Variants in WWC2 observed in about 807,000 individuals in gnomAD.
The protein encoded by WWC2 is WW and C2 domain containing 2.
Under a neutral mutation model 138.5 loss-of-function variants are expected in WWC2, and 101 were observed. That is an observed-to-expected ratio of 0.73 (90% CI 0.62 to 0.86). The LOEUF is 0.86. Among genes scored for constraint, WWC2 ranks in the 40% least tolerant of loss-of-function variants. The pLI is 0.00. For missense variants in WWC2, 1,420 were observed against 1,419.4 expected (o/e 1.00, Z -0.01); for synonymous variants, 558 against 538.4 (o/e 1.04, Z -0.50).
Position 183,261,299 on chromosome 4 carries a change from G to A in WWC2, c.1676G>A (p.Gly559Asp), listed in dbSNP as rs1737321533. The stretch of plus-strand genomic sequence containing the variant: ...TCCCTTTCCTCCTTGTCTCCTCCAG[G>A]CTCTCCCTTGGTTTTGGAAGGCACG... ...RSSLSSLSPP[G>D]SPLVLEGTFP... is the part of the protein sequence containing the mutation. The change falls in exon 11 of 23, where the codon GGC becomes GAC. Residue 559 changes from glycine (G) to aspartate (D), a missense_variant. Physicochemically the swap from Gly to Asp is moderately conservative, Grantham distance 94 (BLOSUM62 -1). Coordinates refer to ENST00000403733, the MANE Select transcript of WWC2 (RefSeq NM_024949.6). 1.2e-6 allele frequency: 2 copies of A among 1,613,394 alleles called. No individual in the cohort carries two copies. Among genetic ancestry groups the A allele is most frequent in the African/African-American group, 2.7e-5 (2 of 74,892 alleles).
chr4:183,225,343 A>G (rs1275979611), intron 4 of WWC2, among the ~76,000 whole-genome samples: 1 of 152,248 alleles, frequency 6.6e-6, no homozygotes, highest in East Asian at 1.9e-4. Flanking sequence ...AAATATAATG[A>G]AAGTAGCACT....
intron 8 of WWC2, among the ~76,000 whole-genome samples, chr4:183,250,800 G>C (rs1736955851): frequency 6.6e-6 from 1 of 152,158 alleles, no homozygotes; most frequent in South Asian, 2.1e-4. Context: ...CGTCCTGCAA[G>C]AAACAGGAAT....
intron 1 of WWC2, among the ~76,000 whole-genome samples, chr4:183,133,791 C>G (rs1394384589): frequency 6.6e-6 from 1 of 152,228 alleles, no homozygotes; most frequent in Admixed American, 6.5e-5. Flanking sequence ...CACCATGCCC[C>G]GCCTTCTCAT....
In WWC2 at chr4:183,318,093, T is replaced by C. The variant is rs1258858248; in HGVS notation, c.*2364T>C. On this transcript the variant is annotated 3_prime_UTR_variant, in exon 23 of 23. Coordinates refer to ENST00000403733, the MANE Select transcript of WWC2 (RefSeq NM_024949.6). ...TGGACAAATATGAATTTTAATATTA[T>C]AAATACTATTTTTAAAAGGTAGAAT... 4 of 152,202 alleles carry C rather than the reference T, an allele frequency of 2.6e-5. No individual in the cohort carries two copies. The highest frequency in any genetic ancestry group is 9.6e-5 in the African/African-American group (4 of 41,462). 9.4% of individuals were successfully genotyped at this position (152,202 alleles called of 1,614,324 possible).
intron 21 of WWC2, among the ~76,000 whole-genome samples, chr4:183,297,163 G>A (rs116291242): frequency 5.3e-4 from 81 of 151,794 alleles, no homozygotes; most frequent in African/African-American, 1.9e-3. Flanking sequence ...TGTAGAAACC[G>A]GGTTTCACTG....
chr4:183,229,012 A>C (rs1350212690), intron 4 of WWC2, among the ~76,000 whole-genome samples: 2 of 152,052 alleles, frequency 1.3e-5, no homozygotes, highest in Non-Finnish European at 2.9e-5. Context: ...AGACAAAACT[A>C]TTTACAGGCC....
intron 21 of WWC2, among the ~76,000 whole-genome samples, chr4:183,294,192 C>G (rs146611050): frequency 1.1e-4 from 16 of 152,196 alleles, no homozygotes; most frequent in Middle Eastern, 3.4e-3. Context: ...TTGCCAACTG[C>G]TGATACAGAG....
chr4:183,276,972 T>A (rs12645334), intron 16 of WWC2, among the ~76,000 whole-genome samples: 7,562 of 150,322 alleles, frequency 0.05, 220 homozygotes, highest in South Asian at 0.088. Flanking sequence ...TCATTTCTTT[T>A]TTATTATTAT....
At chr4:183,141,209 G>T (rs974467270) in intron 1 of WWC2, among the ~76,000 whole-genome samples, 1 of 152,180 alleles carries the variant, frequency 6.6e-6, no homozygotes, top group Admixed American at 6.5e-5. Flanking sequence ...GAAGTCCAAG[G>T]TTAAGGTGTC....
chr4:183,108,890 T>C (rs1470582062), intron 1 of WWC2, among the ~76,000 whole-genome samples: 1 of 152,184 alleles, frequency 6.6e-6, no homozygotes, highest in Non-Finnish European at 1.5e-5. Flanking sequence ...ATTACAGGTG[T>C]GAGACACCAC....
At chr4:183,164,133 A>C (rs182572931) in intron 1 of WWC2, among the ~76,000 whole-genome samples, 1 of 151,540 alleles carries the variant, frequency 6.6e-6, no homozygotes, top group Non-Finnish European at 1.5e-5. Flanking sequence ...GAAGGTCCAT[A>C]TAAGAGATTC....
chr4:183,148,086 C>G (rs1733516615), intron 1 of WWC2, among the ~76,000 whole-genome samples: 1 of 152,186 alleles, frequency 6.6e-6, no homozygotes, highest in East Asian at 1.9e-4. Context: ...TGCTTTACCT[C>G]CCGAGTACAA....
intron 1 of WWC2, among the ~76,000 whole-genome samples, chr4:183,121,398 TC>T (rs1250484783): frequency 6.6e-6 from 1 of 152,046 alleles, no homozygotes; most frequent in East Asian, 1.9e-4. Flanking sequence ...CAGTTGAACA[TC>T]CCTAAACCAA....
chr4:183,138,933 A>G (rs1227803501), intron 1 of WWC2, among the ~76,000 whole-genome samples: 1 of 152,202 alleles, frequency 6.6e-6, no homozygotes, highest in South Asian at 2.1e-4. Flanking sequence ...TACTACAGGT[A>G]ACAGCTGGAT....
intron 1 of WWC2, among the ~76,000 whole-genome samples, chr4:183,145,225 C>G (rs1733419824): frequency 2.0e-5 from 3 of 152,110 alleles, no homozygotes; most frequent in Non-Finnish European, 4.4e-5. Flanking sequence ...AAATGTGTGT[C>G]ATTTGTAACA....
intron 1 of WWC2, among the ~76,000 whole-genome samples, chr4:183,104,785 C>G (rs912444585): frequency 3.9e-5 from 6 of 152,080 alleles, no homozygotes; most frequent in Admixed American, 3.3e-4. Flanking sequence ...GTGAACAGTA[C>G]TATAGTTGCT....
At chr4:183,314,871 C>G (rs1739382725) in intron 22 of WWC2, among the ~76,000 whole-genome samples, 1 of 152,194 alleles carries the variant, frequency 6.6e-6, no homozygotes. Flanking sequence ...TCTTCTCTAT[C>G]CTTTCTTAGT....
chr4:183,120,387 G>A (rs987755309), intron 1 of WWC2, among the ~76,000 whole-genome samples: 1 of 152,196 alleles, frequency 6.6e-6, no homozygotes, highest in East Asian at 1.9e-4. Flanking sequence ...TAAAATGCAT[G>A]TACACAGATT....
At chr4:183,156,837 T>G (rs1733819784) in intron 1 of WWC2, among the ~76,000 whole-genome samples, 1 of 152,188 alleles carries the variant, frequency 6.6e-6, no homozygotes, top group Non-Finnish European at 1.5e-5. Flanking sequence ...TTTACCCAGA[T>G]TCCTCAAATG....
Sources: allele counts gnomAD v4.1 joint callset (sites outside exome capture counted in the v4.1 genomes callset), GRCh38; gene constraint gnomAD v4.1.1; transcripts MANE v1.5; gene names NCBI Gene and HGNC (gene_info 2026-07-23, HGNC 2026-07-21).